Variants in IL2RA observed in about 807,000 individuals in gnomAD.
The protein encoded by IL2RA is interleukin 2 receptor subunit alpha, also known as interleukin-2 receptor subunit alpha.
A neutral mutation model predicts 37.8 loss-of-function variants in IL2RA; 24 were observed. That is an observed-to-expected ratio of 0.63 (90% CI 0.46 to 0.89). IL2RA has a LOEUF of 0.89. Among genes scored for constraint, IL2RA ranks in the 40% least tolerant of loss-of-function variants. IL2RA has a pLI of 0.00. For missense variants in IL2RA, 319 were observed against 348.6 expected (o/e 0.92, Z 0.68); for synonymous variants, 125 against 114.6 (o/e 1.09, Z -0.58).
At chr10:6,045,372 G>A (rs1023311425) in intron 1 of IL2RA, among the ~76,000 whole-genome samples, 1 of 152,028 alleles carries the variant, frequency 6.6e-6, no homozygotes, top group African/African-American at 2.4e-5. Context: ...ACTTAGAAGG[G>A]AAAAAAGAAG....
intron 1 of IL2RA, among the ~76,000 whole-genome samples, chr10:6,032,586 G>C (rs1839615990): frequency 6.6e-6 from 1 of 151,954 alleles, no homozygotes; most frequent in African/African-American, 2.4e-5. Flanking sequence ...CCACCTGCTG[G>C]GGAGGCTGAG....
At chr10:6,034,545 T>C (rs1300536955) in intron 1 of IL2RA, among the ~76,000 whole-genome samples, 1 of 117,138 alleles carries the variant, frequency 8.5e-6, no homozygotes, top group Non-Finnish European at 1.7e-5. Context: ...TGCACAGTAA[T>C]AACAGGAGGA....
chr10:6,029,128 T>TTTTATTTATTTA lies in IL2RA; in HGVS notation c.65-3115_65-3104dup, dbSNP rs199788056. ...TGACCTGCAGATTTGCTGCCATTTA[T>TTTTATTTATTTA]TTTATTTATTTATTTATTTATTTAT... is the stretch of plus-strand genomic sequence containing the variant. On this transcript the variant is annotated intron_variant, in intron 1 of 7. Transcript: ENST00000379959. The surrounding 1 kb of genome is among the most constrained non-coding windows in gnomAD (Gnocchi z 4.6). Among the ~76,000 whole-genome samples, 2 of 140,778 alleles carry TTTTATTTATTTA rather than the reference T, an allele frequency of 1.4e-5. No individual in the cohort carries two copies. Among genetic ancestry groups the TTTTATTTATTTA allele is most frequent in the African/African-American group, 2.6e-5 (1 of 37,786 alleles). 92.4% of individuals were successfully genotyped at this position (140,778 alleles called of 152,430 possible). A position where few individuals can be genotyped will look rare whatever the true frequency, so the allele number is the denominator to read the frequency against.
intron 1 of IL2RA, among the ~76,000 whole-genome samples, chr10:6,051,588 C>T (rs1322977567): frequency 4.9e-5 from 7 of 144,150 alleles, no homozygotes; most frequent in Non-Finnish European, 1.1e-4. Context: ...GGCTCAATCT[C>T]GGCTCACTGC....
rs1839213474 is a variant in IL2RA at position 6,012,951 on chromosome 10, G to A, written c.795-55C>T. 12 of 1,548,522 alleles carry A rather than the reference G, an allele frequency of 7.7e-6. No homozygotes were observed. The highest frequency in any genetic ancestry group is 1.4e-5 in the African/African-American group (1 of 72,364). On this transcript the variant is annotated intron_variant, in intron 7 of 7. Transcript: ENST00000379959. The surrounding 1 kb of genome is among the most constrained non-coding windows in gnomAD (Gnocchi z 4.8). ...ATGTGTAACACGGCACCAAAAAAAT[G>A]TGGTCCTCACTCTAAACCAGTGCAC... is the stretch of plus-strand genomic sequence containing the variant.
chr10:6,039,553 A>G (rs1037355101), intron 1 of IL2RA: 6 of 152,216 alleles, frequency 3.9e-5, no homozygotes, highest in Non-Finnish European at 5.9e-5. Flanking sequence ...CACATGGGAC[A>G]TTTACAAGGC....
Position 6,025,800 on chromosome 10 carries a change from T to C in IL2RA, c.256+34A>G, listed in dbSNP as rs2132859114. ...TCTGTCTCACTCTTTGCTGCAGTTC[T>C]TTTGTTCTTGGTAGTCACAGAAGGG... On this transcript the variant is annotated intron_variant, in intron 2 of 7. Transcript: ENST00000379959. The surrounding 1 kb of genome is among the most constrained non-coding windows in gnomAD (Gnocchi z 4.4). 1.9e-6 allele frequency: 3 copies of C among 1,606,588 alleles called. No individual in the cohort carries two copies. The South Asian group carries it at 3.3e-5, about 18-fold the overall frequency.
rs1401837237 is a variant in IL2RA, at chr10:6,021,672, G to A, written c.389C>T (p.Pro130Leu). The change falls in exon 4 of 8, where the codon CCA (proline) becomes CTA (leucine). Residue 130 changes from proline to leucine, a missense_variant. Transcript: ENST00000379959. The surrounding 1 kb of genome is among the most constrained non-coding windows in gnomAD (Gnocchi z 4.9). ...TCTCTCTGTGGCTTCATTTTCCCAT[G>A]GTGGAGGTTCCCTGCAGTGACCTGG... Reference protein sequence around the residue: ...SLPGHCREPPPWENEATERIY... With the variant: ...SLPGHCREPPLWENEATERIY... 3 of 1,614,102 alleles carry A rather than the reference G, an allele frequency of 1.9e-6. No homozygotes were observed. Among genetic ancestry groups the A allele is most frequent in the Non-Finnish European group, 2.5e-6 (3 of 1,180,006 alleles).
chr10:6,023,489 C>T (rs919617766), intron 3 of IL2RA, among the ~76,000 whole-genome samples: 1 of 152,196 alleles, frequency 6.6e-6, no homozygotes, highest in African/African-American at 2.4e-5. Flanking sequence ...GCATCCACCA[C>T]CATGCCCAGC....
intron 1 of IL2RA, among the ~76,000 whole-genome samples, chr10:6,031,502 A>ATG (rs201395365): frequency 0.097 from 7,911 of 81,280 alleles, 703 homozygotes; most frequent in Non-Finnish European, 0.14. Context: ...ATGTATATAT[A>ATG]TATATATATG....
At chr10:6,031,729 T>C (rs1173172264) in intron 1 of IL2RA, among the ~76,000 whole-genome samples, 1 of 151,866 alleles carries the variant, frequency 6.6e-6, no homozygotes, top group Non-Finnish European at 1.5e-5. Flanking sequence ...TGGAAAAATA[T>C]ACTATCTTTA....
Position 6,022,278 on chromosome 10 carries a change from C to T in IL2RA, c.368-585G>A, listed in dbSNP as rs1839400782. On this transcript the variant is annotated intron_variant, in intron 3 of 7. Transcript: ENST00000379959. The surrounding 1 kb of genome is among the most constrained non-coding windows in gnomAD (Gnocchi z 4.7). The stretch of plus-strand genomic sequence containing the variant: ...CTGAGGGAACCTCAGAGAAATGGAG[C>T]ACCATCTCTGATCAAGCCACACCTG... Among the ~76,000 whole-genome samples, 1 of 152,162 alleles carries T rather than the reference C, an allele frequency of 6.6e-6. No individual in the cohort carries two copies.
rs1160211390 is a variant in IL2RA, at chr10:6,033,095, G to A, written c.65-7070C>T. On this transcript the variant is annotated intron_variant, in intron 1 of 7. Transcript: ENST00000379959. The surrounding 1 kb of genome is among the most constrained non-coding windows in gnomAD (Gnocchi z 4.3). ...TTTGGAACACTATCTGAAAGTATTT[G>A]GCCAGGCATGGTGGCTCACGCCTGT... Among the ~76,000 whole-genome samples, 1 of 152,116 alleles carries A rather than the reference G, an allele frequency of 6.6e-6. No individual in the cohort carries two copies. Among genetic ancestry groups the A allele is most frequent in the African/African-American group, 2.4e-5 (1 of 41,424 alleles).
rs1272411396 is a variant in IL2RA, at chr10:6,028,083, G to A, written c.65-2058C>T. ...TCAGGGCTACATGATTTTGGAGGAG[G>A]GAAACACGTGAGAGGCGCCCACAGT... On this transcript the variant is annotated intron_variant, in intron 1 of 7. Transcript: ENST00000379959. The surrounding 1 kb of genome is among the most constrained non-coding windows in gnomAD (Gnocchi z 4.1). Among the ~76,000 whole-genome samples, 1 of 152,076 alleles carries A rather than the reference G, an allele frequency of 6.6e-6. No individual in the cohort carries two copies. Among genetic ancestry groups the A allele is most frequent in the African/African-American group, 2.4e-5 (1 of 41,408 alleles).
intron 1 of IL2RA, among the ~76,000 whole-genome samples, chr10:6,051,736 C>A (rs1465708272): frequency 1.4e-5 from 2 of 140,870 alleles, no homozygotes; most frequent in African/African-American, 5.2e-5. Flanking sequence ...GTCAGCTGTT[C>A]TCGAACTCCT....
At chr10:6,050,445 T>G (rs1250470633) in intron 1 of IL2RA, among the ~76,000 whole-genome samples, 2 of 152,300 alleles carry the variant, frequency 1.3e-5, no homozygotes, top group East Asian at 1.9e-4. Flanking sequence ...GAGACCAGCC[T>G]GGCCAACATG....
At chr10:6,061,660 A>G (rs1840123486) in intron 1 of IL2RA, among the ~76,000 whole-genome samples, 1 of 152,162 alleles carries the variant, frequency 6.6e-6, no homozygotes, top group East Asian at 1.9e-4. Context: ...ATATATGAGT[A>G]CTCATGTCTC....
rs1238919204 is a variant in IL2RA, at chr10:6,054,961, T to G, written c.64+7127A>C. On this transcript the variant is annotated intron_variant, in intron 1 of 7. Coordinates refer to ENST00000379959, the MANE Select transcript of IL2RA (RefSeq NM_000417.3). The surrounding 1 kb of genome is among the most constrained non-coding windows in gnomAD (Gnocchi z 4.5). ...ATCCTCCTGCCTTGGCCTCCCAAAG[T>G]GCAGGTATTACAGGCATGAGCTATC... Among the ~76,000 whole-genome samples the G allele has an allele frequency of 6.6e-6, 1 of 152,166 alleles. No individual in the cohort carries two copies. Among genetic ancestry groups the G allele is most frequent in the Non-Finnish European group, 1.5e-5 (1 of 68,036 alleles).
chr10:6,058,857 C>T lies in IL2RA; in HGVS notation c.64+3231G>A, dbSNP rs1046461230. 1.3e-5 allele frequency among the ~76,000 whole-genome samples: 2 copies of T among 152,108 alleles called. No homozygotes were observed. The highest frequency in any genetic ancestry group is 2.4e-5 in the African/African-American group (1 of 41,402). On this transcript the variant is annotated intron_variant, in intron 1 of 7. Coordinates refer to ENST00000379959, the MANE Select transcript of IL2RA (RefSeq NM_000417.3). The surrounding 1 kb of genome is among the most constrained non-coding windows in gnomAD (Gnocchi z 4.2). ...TTCTCTTTCTGACCACATCCCAGAGCCCAGTAATATAGAGACTAAAAACAC... is the reference window on the plus strand; with the variant it reads ...TTCTCTTTCTGACCACATCCCAGAGTCCAGTAATATAGAGACTAAAAACAC...
Sources: allele counts gnomAD v4.1 joint callset (sites outside exome capture counted in the v4.1 genomes callset), GRCh38; gene constraint gnomAD v4.1.1; non-coding constraint Gnocchi (gnomAD v3.1); transcripts MANE v1.5; gene names NCBI Gene and HGNC (gene_info 2026-07-23, HGNC 2026-07-21).